SAMMSON: variants seen among roughly 807,000 people sequenced by gnomAD.
SAMMSON encodes survival associated mitochondrial melanoma specific oncogenic non-coding RNA, also known as long intergenic non-protein coding RNA 1212.
intron 4 of SAMMSON, among the ~76,000 whole-genome samples, chr3:70,234,443 G>A (rs571727429): frequency 6.6e-6 from 1 of 152,150 alleles, no homozygotes; most frequent in African/African-American, 2.4e-5. Flanking sequence ...GAGCCCAGGA[G>A]TTTGAGACCA....
chr3:70,082,847 A>G (rs944885912), intron 4 of SAMMSON, among the ~76,000 whole-genome samples: 40 of 152,342 alleles, frequency 2.6e-4, no homozygotes, highest in African/African-American at 8.9e-4. Flanking sequence ...TCTTCCTAAC[A>G]GCCCCATGAG....
chr3:70,217,537 T>C (rs1701427033), intron 4 of SAMMSON, among the ~76,000 whole-genome samples: 1 of 152,144 alleles, frequency 6.6e-6, no homozygotes, highest in Non-Finnish European at 1.5e-5. Flanking sequence ...AAATATTTTA[T>C]TTTTATCAAT....
chr3:70,137,735 A>C (rs2067511839), intron 4 of SAMMSON: 1 of 152,186 alleles, frequency 6.6e-6, no homozygotes, highest in Admixed American at 6.5e-5. Context: ...TGTTTTAGTT[A>C]ACTAGAACAT....
intron 2 of SAMMSON, among the ~76,000 whole-genome samples, chr3:70,410,437 G>A (rs1701209094): frequency 6.6e-6 from 1 of 152,112 alleles, no homozygotes; most frequent in Admixed American, 6.5e-5. Context: ...TCTACACTAA[G>A]GATATCAAGT....
chr3:70,251,624 A>G (rs1310749896), intron 6 of SAMMSON, among the ~76,000 whole-genome samples: 1 of 152,164 alleles, frequency 6.6e-6, no homozygotes, highest in Non-Finnish European at 1.5e-5. Flanking sequence ...ACAGCAATAT[A>G]CCTGCAAATT....
chr3:70,365,844 T>A (rs964423075), intron 9 of SAMMSON, among the ~76,000 whole-genome samples: 5 of 151,840 alleles, frequency 3.3e-5, no homozygotes, highest in South Asian at 2.1e-4. Context: ...TCCTATTTTT[T>A]AAAATTTACA....
intron 9 of SAMMSON, among the ~76,000 whole-genome samples, chr3:70,359,426 C>T (rs1702854759): frequency 6.6e-6 from 1 of 152,068 alleles, no homozygotes; most frequent in Admixed American, 6.6e-5. Flanking sequence ...TTGACTATTA[C>T]TGAAAAAGAA....
At chr3:70,259,227 C>G (rs1229139047) in intron 6 of SAMMSON, among the ~76,000 whole-genome samples, 1 of 152,062 alleles carries the variant, frequency 6.6e-6, no homozygotes, top group Non-Finnish European at 1.5e-5. Context: ...ATAGTCTATG[C>G]TAAAAACCTA....
chr3:70,208,572 G>A (rs1243743900), intron 4 of SAMMSON, among the ~76,000 whole-genome samples: 1 of 152,006 alleles, frequency 6.6e-6, no homozygotes, highest in African/African-American at 2.4e-5. Context: ...GGTGGGATGG[G>A]AGAATTTTTG....
intron 7 of SAMMSON, among the ~76,000 whole-genome samples, chr3:70,310,376 A>AT (rs908489205): frequency 1.3e-5 from 2 of 151,662 alleles, no homozygotes; most frequent in Non-Finnish European, 2.9e-5. Context: ...TATTATTATT[A>AT]TTTTTTTGAG....
At chr3:70,367,858 C>T (rs1702933249) in intron 9 of SAMMSON, among the ~76,000 whole-genome samples, 1 of 151,256 alleles carries the variant, frequency 6.6e-6, no homozygotes, top group African/African-American at 2.4e-5. Flanking sequence ...TACTAGAGTC[C>T]CCCTTTCTCC....
chr3:70,195,183 G>A (rs1701163673), intron 4 of SAMMSON, among the ~76,000 whole-genome samples: 1 of 152,146 alleles, frequency 6.6e-6, no homozygotes. Flanking sequence ...CATAAGAACA[G>A]CCTTATGTTC....
chr3:70,171,384 A>G (rs1346098070), intron 4 of SAMMSON, among the ~76,000 whole-genome samples: 2 of 151,876 alleles, frequency 1.3e-5, no homozygotes, highest in Admixed American at 6.6e-5. Flanking sequence ...CTTCATTGCC[A>G]TATATTTCTC....
intron 2 of SAMMSON, chr3:70,012,733 GA>G (rs2066963137): frequency 6.6e-6 from 1 of 152,154 alleles, no homozygotes; most frequent in Admixed American, 6.5e-5. Flanking sequence ...AGTGAAATCA[GA>G]AGACATGAAT....
chr3:70,044,201 GT>G (rs1235037022), intron 3 of SAMMSON, among the ~76,000 whole-genome samples: 1 of 151,996 alleles, frequency 6.6e-6, no homozygotes, highest in Non-Finnish European at 1.5e-5. Context: ...AGTGTATTAA[GT>G]TTTTTGTTCT....
intron 4 of SAMMSON, among the ~76,000 whole-genome samples, chr3:70,212,933 A>G (rs1701365373): frequency 6.6e-6 from 1 of 152,036 alleles, no homozygotes; most frequent in African/African-American, 2.4e-5. Flanking sequence ...AGCAGGCACT[A>G]TAGGCGTGCA....
At chr3:70,258,105 T>G (rs1316006479) in intron 6 of SAMMSON, among the ~76,000 whole-genome samples, 5 of 152,170 alleles carry the variant, frequency 3.3e-5, no homozygotes, top group African/African-American at 1.2e-4. Flanking sequence ...GAATCCCAAC[T>G]TTCATTTCAC....
At chr3:70,273,803 CTTTTG>C (rs1472251945) in intron 6 of SAMMSON, among the ~76,000 whole-genome samples, 2 of 152,038 alleles carry the variant, frequency 1.3e-5, no homozygotes, top group Non-Finnish European at 2.9e-5. Flanking sequence ...TTATTTTTCT[CTTTTG>C]TTTTGTTTTT....
intron 6 of SAMMSON, among the ~76,000 whole-genome samples, chr3:70,277,043 C>T (rs1220600277): frequency 6.6e-6 from 1 of 151,920 alleles, no homozygotes; most frequent in Non-Finnish European, 1.5e-5. Context: ...GGATAATTAC[C>T]AAATTTGAAA....
Sources: gnomAD v4.1 joint callset for allele counts (sites outside exome capture counted in the v4.1 genomes callset) on GRCh38, gnomAD v4.1.1 for gene constraint, MANE v1.5 for transcripts, NCBI Gene and HGNC (gene_info 2026-07-23, HGNC 2026-07-21) for gene names.